ITIH3: variants seen among roughly 807,000 people sequenced by gnomAD.
The protein encoded by ITIH3 is inter-alpha-trypsin inhibitor heavy chain H3.
ITIH3 carries 81 observed loss-of-function variants against 96.5 expected under a neutral mutation model. The observed-to-expected ratio is 0.84, with a 90% CI of 0.70 to 1.01. The LOEUF is 1.01. Among genes scored for constraint, ITIH3 ranks in the 50% least tolerant of loss-of-function variants. ITIH3 has a pLI of 0.00. For missense variants in ITIH3, 1,057 were observed against 1,139.3 expected (o/e 0.93, Z 1.04); for synonymous variants, 422 against 445.2 (o/e 0.95, Z 0.66).
In ITIH3 at chr3:52,803,293, TA is replaced by T. The variant is rs1309379253; in HGVS notation, c.1709+488del. Reference sequence around the variant, plus strand: ...TTATTTATTTATTTATTTATTTATTTATTTATTTATTTATTTTATTTTATTA... The same window carrying T: ...TTATTTATTTATTTATTTATTTATTTTTTATTTATTTATTTTATTTTATTA... On this transcript the variant is annotated intron_variant, in intron 13 of 21. Coordinates refer to ENST00000449956, the MANE Select transcript of ITIH3 (RefSeq NM_002217.4). 1.7e-3 allele frequency among the ~76,000 whole-genome samples: 238 copies of T among 142,328 alleles called. 6 individuals carry two copies. The South Asian group carries it at 0.045, about 27-fold the overall frequency. The allele number at this position is 142,328 out of a possible 152,430, so 93.4% of individuals were successfully genotyped here.
chr3:52,799,345 G>A (rs1169860205), intron 7 of ITIH3, 27 bp from the exon 8 acceptor site: 2 of 1,520,996 alleles, frequency 1.3e-6, no homozygotes, highest in Non-Finnish European at 1.8e-6. Flanking sequence ...AAGGACACCG[G>A]CCTCCGTCCC....
intron 11 of ITIH3, among the ~76,000 whole-genome samples, 191 bp downstream of exon 11, chr3:52,801,337 A>G (rs1699823466): frequency 1.3e-5 from 2 of 152,362 alleles, no homozygotes; most frequent in South Asian, 4.1e-4. Flanking sequence ...CGTTTCTTCA[A>G]CAGGATTATC....
chr3:52,806,016 G>A (rs2154110411), intron 16 of ITIH3, 87 bp from the exon 17 acceptor site: 1 of 1,499,728 alleles, frequency 6.7e-7, no homozygotes, highest in East Asian at 2.4e-5. Flanking sequence ...GGGAGGGGAG[G>A]GGCATAAGCT....
chr3:52,799,659 C>T (rs2154109621), intron 8 of ITIH3, 94 bp from the exon 9 acceptor site: 2 of 1,341,480 alleles, frequency 1.5e-6, no homozygotes, highest in Admixed American at 2.2e-5. Context: ...GCAGGGCTCG[C>T]TGGTGCAGAT....
rs550407814 is a variant in ITIH3 at position 52,807,670 on chromosome 3, A to G, written c.2262-77A>G. On this transcript the variant is annotated intron_variant, in intron 19 of 21. Coordinates refer to ENST00000449956, the MANE Select transcript of ITIH3 (RefSeq NM_002217.4). Reference sequence around the variant, plus strand: ...GGGTGCCATGTACAGGGGAGGCCCCACCAAAACGCCCTTGAGTCAGATGCC... The same window carrying G: ...GGGTGCCATGTACAGGGGAGGCCCCGCCAAAACGCCCTTGAGTCAGATGCC... The G allele has an allele frequency of 6.1e-6, 9 of 1,465,430 alleles. No homozygotes were observed. The Admixed American group carries it at 1.5e-4, about 24-fold the overall frequency. 90.8% of individuals were successfully genotyped at this position (1,465,430 alleles called of 1,614,324 possible).
At chr3:52,803,311 ATTTTATTATTATTATTT>A (rs1559472799) in intron 13 of ITIH3, among the ~76,000 whole-genome samples, 2,014 of 125,624 alleles carry the variant, frequency 0.016, 59 homozygotes, top group African/African-American at 0.084. Context: ...TATTTATTTT[ATTTTATTATTATTATTT>A]TTTTTTTTGA....
At position 52,795,439 on chromosome 3, in the gene ITIH3, C is replaced by G. The variant is rs147458619; in HGVS notation, c.94-164C>G. On this transcript the variant is annotated intron_variant, in intron 1 of 21. Transcript: ENST00000449956. ...CCATCTATTCAGAGTTTTTCCTACT[C>G]TGACATGTGGCTCTGGAGGGTCCTA... Among the ~76,000 whole-genome samples the G allele has an allele frequency of 2.2e-3, 334 of 152,262 alleles. 2 individuals carry two copies. Among genetic ancestry groups the G allele is most frequent in the African/African-American group, 7.7e-3 (319 of 41,530 alleles).
At chr3:52,808,471 C>A in intron 21 of ITIH3, 81 bp from the exon 22 acceptor site, 1 of 1,564,288 alleles carries the variant, frequency 6.4e-7, no homozygotes, top group Non-Finnish European at 8.8e-7. Context: ...CAACTTCCCA[C>A]CCTTTTTCAA....
rs1455243933 is a variant in ITIH3, at chr3:52,802,172, CG to C, written c.1384-156del. The C allele has an allele frequency of 3.6e-5, 23 of 644,822 alleles. No individual in the cohort carries two copies. In the Admixed American group the frequency reaches 4.4e-4, roughly 12 times the overall value. 39.9% of individuals were successfully genotyped at this position (644,822 alleles called of 1,614,324 possible). A position where few individuals can be genotyped will look rare whatever the true frequency, so the allele number is the denominator to read the frequency against. ...TGTCTATCTGGGAGCAGGGAGTTGC[CG>C]GGGGGAGGCCCCCACAGACTGAAGG... On this transcript the variant is annotated intron_variant, in intron 11 of 21. Transcript: ENST00000449956.
intron 18 of ITIH3, 123 bp downstream of exon 18, chr3:52,806,529 G>C (rs561701345): frequency 7.8e-5 from 57 of 731,126 alleles, no homozygotes; most frequent in Non-Finnish European, 1.2e-4. Context: ...CACATGCAAA[G>C]AAACCCCTGG....
At chr3:52,795,220 G>C (rs1050747899) in intron 1 of ITIH3, among the ~76,000 whole-genome samples, 2 of 152,234 alleles carry the variant, frequency 1.3e-5, no homozygotes, top group African/African-American at 4.8e-5. Flanking sequence ...ATGCTCAGTT[G>C]AGCCCTGCGG....
At chr3:52,805,595 G>A (rs1700007419) in intron 15 of ITIH3, 54 of 1,379,866 alleles carry the variant, frequency 3.9e-5, no homozygotes, top group Non-Finnish European at 5.0e-5. Context: ...CTGCGCCAAC[G>A]TTAAAATCAC....
chr3:52,803,461 G>A (rs1397232939), intron 13 of ITIH3, among the ~76,000 whole-genome samples: 1 of 151,840 alleles, frequency 6.6e-6, no homozygotes, highest in African/African-American at 2.4e-5. Context: ...TGGAATTACA[G>A]GCATGCACCA....
intron 11 of ITIH3, 45 bp from the exon 12 acceptor site, chr3:52,802,289 A>G: frequency 6.3e-7 from 1 of 1,599,816 alleles, no homozygotes; most frequent in Non-Finnish European, 8.5e-7. Context: ...CATCAGTGGG[A>G]GCCTGACCTG....
In ITIH3 at chr3:52,802,654, A is replaced by AC. The variant is rs1190624175; in HGVS notation, c.1570-8dup. The stretch of plus-strand genomic sequence containing the variant: ...AGCCTCCAGCCCCTTGCCTCCTTCT[A>AC]CCCCCACCCTAGGCCACCAACGACC... On this transcript the variant is annotated splice_polypyrimidine_tract_variant and intron_variant, in intron 12 of 21. Coordinates refer to ENST00000449956, the MANE Select transcript of ITIH3 (RefSeq NM_002217.4). 1 of 1,613,582 alleles carries AC rather than the reference A, an allele frequency of 6.2e-7. No individual in the cohort carries two copies. Among genetic ancestry groups the AC allele is most frequent in the South Asian group, 1.1e-5 (1 of 91,068 alleles).
intron 13 of ITIH3, 101 bp from the exon 14 acceptor site, chr3:52,803,754 G>A: frequency 7.5e-7 from 1 of 1,336,836 alleles, no homozygotes; most frequent in Admixed American, 2.0e-5. Flanking sequence ...CAATGGGGAA[G>A]GTGGAGTGGG....
In ITIH3 at chr3:52,799,435, G is replaced by A. The variant is rs539289176; in HGVS notation, c.853G>A (p.Val285Met). The A allele has an allele frequency of 4.3e-6, 7 of 1,612,574 alleles. No individual in the cohort carries two copies. The highest frequency in any genetic ancestry group is 1.7e-4 in the Middle Eastern group (1 of 6,052). Residue 285 changes from valine to methionine, a missense_variant, in exon 8 of 22, where the codon GTG becomes ATG. Physicochemically the swap from Val to Met is conservative, Grantham distance 21. Coordinates refer to ENST00000449956, the MANE Select transcript of ITIH3 (RefSeq NM_002217.4). Reference sequence around the variant, plus strand: ...AGGCCTTCCAGTGGTGCCTAAGAACGTGGCCTTTGTGATTGACATCAGCGG... The same window carrying A: ...AGGCCTTCCAGTGGTGCCTAAGAACATGGCCTTTGTGATTGACATCAGCGG... The part of the protein sequence containing the change: ...PQGLPVVPKN[V>M]AFVIDISGSM...
chr3:52,796,401 T>G, intron 2 of ITIH3, 80 bp from the exon 3 acceptor site: 1 of 1,312,176 alleles, frequency 7.6e-7, no homozygotes, highest in Non-Finnish European at 1.1e-6. Context: ...CCTCCAAGGG[T>G]TTGCAAGGGA....
At chr3:52,807,646 G>A in intron 19 of ITIH3, 101 bp from the exon 20 acceptor site, 1 of 1,083,692 alleles carries the variant, frequency 9.2e-7, no homozygotes, top group Non-Finnish European at 1.3e-6. Flanking sequence ...TGGGCCCTCG[G>A]GTGCCATGTA....
Sources: allele counts gnomAD v4.1 joint callset (sites outside exome capture counted in the v4.1 genomes callset), GRCh38; gene constraint gnomAD v4.1.1; transcripts MANE v1.5; gene names NCBI Gene and HGNC (gene_info 2026-07-23, HGNC 2026-07-21).